HSD17B12: variants seen among roughly 807,000 people sequenced by gnomAD.
The protein encoded by HSD17B12 is very-long-chain 3-oxoacyl-CoA reductase.
In HSD17B12, 32 loss-of-function variants were observed where a neutral mutation model predicts 39.3. That is an observed-to-expected ratio of 0.81 (90% CI 0.61 to 1.09). The LOEUF (loss-of-function observed/expected upper bound fraction) is 1.09, where lower values mean the gene tolerates loss of function less well. Ranked by LOEUF, HSD17B12 falls within the 50% of genes least tolerant of loss-of-function variation. HSD17B12 has a pLI of 0.00. For missense variants in HSD17B12, 342 were observed against 382.9 expected, an observed-to-expected ratio of 0.89 and a Z score of 0.89; for synonymous variants, 150 against 146.7, an observed-to-expected ratio of 1.02 and a Z score of -0.16.
At chr11:43,786,344 G>T (rs935613669) in intron 3 of HSD17B12, among the ~76,000 whole-genome samples, 1 of 152,196 alleles carries the variant, frequency 6.6e-6, no homozygotes, top group Non-Finnish European at 1.5e-5. Context: ...GATTTTCACT[G>T]CTTCATCAAG....
At chr11:43,665,392 A>C in the HSD17B12 span, among the ~76,000 whole-genome samples, 52 of 151,974 alleles carry the variant, frequency 3.4e-4, no homozygotes, top group African/African-American at 1.2e-3. Context: ...CTAATTTTTA[A>C]ATTTTTTGTA....
chr11:43,704,300 C>T (rs777221003), intron 1 of HSD17B12, among the ~76,000 whole-genome samples: 4 of 152,208 alleles, frequency 2.6e-5, no homozygotes, highest in Non-Finnish European at 4.4e-5. Flanking sequence ...AGTAAAGTTT[C>T]TGCAACCTCT....
At chr11:43,755,706 C>T (rs2134952699) in intron 3 of HSD17B12, among the ~76,000 whole-genome samples, 1 of 152,320 alleles carries the variant, frequency 6.6e-6, no homozygotes, top group East Asian at 1.9e-4. Flanking sequence ...CATGTATTGT[C>T]TCCTTTGATT....
At chr11:43,654,080 T>C in the HSD17B12 span, among the ~76,000 whole-genome samples, 1 of 151,996 alleles carries the variant, frequency 6.6e-6, no homozygotes, top group Non-Finnish European at 1.5e-5. Flanking sequence ...TTTTAATGAT[T>C]GCCATTCTAA....
chr11:43,835,496 G>A lies in HSD17B12; in HGVS notation c.537-2821G>A, dbSNP rs1483382841. On this transcript the variant is annotated intron_variant, in intron 7 of 10. Coordinates refer to ENST00000278353, the MANE Select transcript of HSD17B12 (RefSeq NM_016142.3). The stretch of plus-strand genomic sequence containing the variant: ...ATTATTGCCTTTGGAAAGAAAGAGC[G>A]AGAGAGTTTTACACTGTTGTGTGTG... Among the ~76,000 whole-genome samples the A allele has an allele frequency of 2.0e-5, 3 of 152,108 alleles. No homozygotes were observed. The East Asian group carries it at 5.8e-4, about 29-fold the overall frequency.
In HSD17B12 at chr11:43,757,648, A is replaced by ACAAAACAAAAC. The variant is rs1565077076; in HGVS notation, c.283+3527_283+3528insCAAAACAAAAC. 8.8e-4 allele frequency among the ~76,000 whole-genome samples: 124 copies of ACAAAACAAAAC among 140,120 alleles called. 3 individuals carry two copies. Among genetic ancestry groups the ACAAAACAAAAC allele is most frequent in the African/African-American group, 3.3e-3 (120 of 36,748 alleles). 91.9% of individuals were successfully genotyped at this position (140,120 alleles called of 152,430 possible). A position where few individuals can be genotyped will look rare whatever the true frequency, so the allele number is the denominator to read the frequency against. On this transcript the variant is annotated intron_variant, in intron 3 of 10. Coordinates refer to ENST00000278353, the MANE Select transcript of HSD17B12 (RefSeq NM_016142.3). The stretch of plus-strand genomic sequence containing the variant: ...GAGCGAGACTCCGTCTCAAAAAAAA[A>ACAAAACAAAAC]AAAAAAAAAAAAAAAAAAACAAATA...
intron 3 of HSD17B12, 21 bp from the exon 4 acceptor site, chr11:43,798,299 T>G: frequency 6.3e-6 from 9 of 1,429,578 alleles, no homozygotes; most frequent in Non-Finnish European, 8.9e-6. Context: ...CTCTCCCCGT[T>G]TGTGTTTTCT....
the HSD17B12 span, among the ~76,000 whole-genome samples, chr11:43,576,303 G>C: frequency 1.3e-5 from 2 of 152,208 alleles, no homozygotes; most frequent in African/African-American, 4.8e-5. Flanking sequence ...TGAGGAGGGG[G>C]CGTTTAATGC....
At chr11:43,781,137 C>G (rs1295176190) in intron 3 of HSD17B12, among the ~76,000 whole-genome samples, 1 of 152,122 alleles carries the variant, frequency 6.6e-6, no homozygotes, top group Non-Finnish European at 1.5e-5. Flanking sequence ...ATAAAATTTC[C>G]TCTGAATTCA....
At position 43,751,492 on chromosome 11, in the gene HSD17B12, G is replaced by C. The variant is rs554377811; in HGVS notation, c.207+535G>C. Among the ~76,000 whole-genome samples, 8 of 152,248 alleles carry C rather than the reference G, an allele frequency of 5.3e-5. 1 individual carries two copies. The South Asian group carries it at 1.7e-3, about 32-fold the overall frequency. ...AGCCGGGGCAGTATTCTTTAGGCAA[G>C]TTTCCCTGCCTTCTGGTCCCTGTGA... On this transcript the variant is annotated intron_variant, in intron 2 of 10. Transcript: ENST00000278353.
chr11:43,622,848 C>T, the HSD17B12 span, among the ~76,000 whole-genome samples: 3 of 151,808 alleles, frequency 2.0e-5, no homozygotes, highest in African/African-American at 4.8e-5. Flanking sequence ...AATACATAAT[C>T]GAGGTAAGCC....
intron 1 of HSD17B12, among the ~76,000 whole-genome samples, chr11:43,727,409 C>G (rs928168559): frequency 2.6e-5 from 4 of 152,080 alleles, no homozygotes; most frequent in African/African-American, 9.7e-5. Flanking sequence ...CAGGGGAGTC[C>G]CAGTTTAGAG....
At chr11:43,633,236 A>G in the HSD17B12 span, among the ~76,000 whole-genome samples, 6 of 152,220 alleles carry the variant, frequency 3.9e-5, no homozygotes, top group African/African-American at 1.4e-4. Flanking sequence ...TAAAATCACA[A>G]TTTAAAGACA....
At chr11:43,772,050 C>A (rs1014020687) in intron 3 of HSD17B12, among the ~76,000 whole-genome samples, 4 of 152,084 alleles carry the variant, frequency 2.6e-5, no homozygotes, top group African/African-American at 9.7e-5. Flanking sequence ...CTGTCTCTCT[C>A]GAAAGCTGAA....
At chr11:43,793,572 A>T (rs114514032) in intron 3 of HSD17B12, among the ~76,000 whole-genome samples, 1 of 152,228 alleles carries the variant, frequency 6.6e-6, no homozygotes, top group African/African-American at 2.4e-5. Context: ...AATGAAAATG[A>T]TGATGGCCAG....
intron 4 of HSD17B12, among the ~76,000 whole-genome samples, chr11:43,806,780 T>A (rs975621440): frequency 1.3e-5 from 2 of 152,182 alleles, no homozygotes; most frequent in African/African-American, 4.8e-5. Flanking sequence ...ATCATTTGGA[T>A]GACTATAATC....
chr11:43,605,563 A>T, the HSD17B12 span, among the ~76,000 whole-genome samples: 1 of 145,656 alleles, frequency 6.9e-6, no homozygotes, highest in Admixed American at 6.9e-5. Flanking sequence ...CTCCATCTCA[A>T]AAAAAAAAAA....
intron 1 of HSD17B12, among the ~76,000 whole-genome samples, chr11:43,691,826 C>G (rs1949865765): frequency 6.6e-6 from 1 of 152,178 alleles, no homozygotes; most frequent in Admixed American, 6.5e-5. Flanking sequence ...CTTCTTGCAG[C>G]CTCCAGGGCC....
chr11:43,817,052 A>C (rs1384229429), intron 6 of HSD17B12, among the ~76,000 whole-genome samples: 2 of 138,772 alleles, frequency 1.4e-5, no homozygotes, highest in African/African-American at 2.8e-5. Context: ...ATATATATAT[A>C]TATATATCTC....
Sources: gnomAD v4.1 joint callset for allele counts (sites outside exome capture counted in the v4.1 genomes callset) on GRCh38, gnomAD v4.1.1 for gene constraint, MANE v1.5 for transcripts, NCBI Gene and HGNC (gene_info 2026-07-23, HGNC 2026-07-21) for gene names.